ZBTB20: variants seen among roughly 807,000 people sequenced by gnomAD.
The protein encoded by ZBTB20 is zinc finger and BTB domain-containing protein 20.
In ZBTB20, 9 loss-of-function variants were observed where a neutral mutation model predicts 56.9. That is an observed-to-expected ratio of 0.16 (90% CI 0.10 to 0.28). ZBTB20 has a LOEUF of 0.28. ZBTB20 is among the 10% of genes least tolerant of loss of function. The pLI, the probability that ZBTB20 is intolerant of heterozygous loss-of-function variation, is 1.00. For missense variants in ZBTB20, 655 were observed against 1,003.0 expected, an observed-to-expected ratio of 0.65 and a Z score of 4.69; for synonymous variants, 417 against 420.7, an observed-to-expected ratio of 0.99 and a Z score of 0.11.
In ZBTB20 at chr3:114,981,592, C is replaced by T. The variant is rs1316056413; in HGVS notation, c.-506-7176G>A. Among the ~76,000 whole-genome samples the T allele has an allele frequency of 2.6e-5, 4 of 151,932 alleles. No individual in the cohort carries two copies. In the Admixed American group the frequency reaches 2.6e-4, roughly 10 times the overall value. ...TAATAGCAAATACATGAGCAGTCCC[C>T]ATATTCAGGTTCTGTTCAAAGCGCT... On this transcript the variant is annotated intron_variant, in intron 2 of 11. Coordinates refer to ENST00000675478, the MANE Select transcript of ZBTB20 (RefSeq NM_001348800.3).
intron 4 of ZBTB20, among the ~76,000 whole-genome samples, chr3:114,808,814 A>G (rs916929641): frequency 1.3e-5 from 2 of 152,056 alleles, no homozygotes; most frequent in African/African-American, 4.8e-5. Flanking sequence ...ATACATTTTT[A>G]TCATTTCATT....
At chr3:115,083,810 A>T (rs1488879011) in intron 1 of ZBTB20, among the ~76,000 whole-genome samples, 4 of 152,014 alleles carry the variant, frequency 2.6e-5, no homozygotes, top group Admixed American at 1.3e-4. Context: ...GTAGAGTAGG[A>T]TATATATTGG....
chr3:114,899,198 C>T (rs928672422), intron 4 of ZBTB20, among the ~76,000 whole-genome samples: 3 of 152,076 alleles, frequency 2.0e-5, no homozygotes, highest in Non-Finnish European at 2.9e-5. Context: ...TTAATCTTCA[C>T]TTTTTTTCTC....
chr3:114,421,432 T>C (rs2089161300), intron 7 of ZBTB20, among the ~76,000 whole-genome samples: 1 of 152,212 alleles, frequency 6.6e-6, no homozygotes, highest in Non-Finnish European at 1.5e-5. Context: ...ACTTTCCACT[T>C]AGCACAGAGC....
At chr3:115,024,541 G>C (rs2080340964) in intron 2 of ZBTB20, among the ~76,000 whole-genome samples, 1 of 150,924 alleles carries the variant, frequency 6.6e-6, no homozygotes, top group South Asian at 2.1e-4. Context: ...ACCCCTTTTG[G>C]ATAGGTGCTT....
chr3:114,451,830 T>A (rs1008202161), intron 7 of ZBTB20, among the ~76,000 whole-genome samples: 1 of 151,902 alleles, frequency 6.6e-6, no homozygotes, highest in African/African-American at 2.4e-5. Context: ...TCCTCCTCTA[T>A]TTTTTTTCCC....
intron 8 of ZBTB20, chr3:114,388,648 G>A (rs1364749142): frequency 1.3e-5 from 2 of 152,380 alleles, no homozygotes; most frequent in African/African-American, 4.8e-5. Flanking sequence ...AAGCTACCAT[G>A]AGATTCAACA....
intron 7 of ZBTB20, among the ~76,000 whole-genome samples, chr3:114,471,303 G>A (rs767463974): frequency 9.2e-5 from 14 of 152,128 alleles, no homozygotes; most frequent in African/African-American, 2.7e-4. Flanking sequence ...AGAAAACAGA[G>A]GCTTAGAGAT....
At chr3:114,373,621 T>G (rs1455014068) in intron 10 of ZBTB20, among the ~76,000 whole-genome samples, 2 of 152,174 alleles carry the variant, frequency 1.3e-5, no homozygotes, top group African/African-American at 4.8e-5. Flanking sequence ...CAAGAGGCTC[T>G]TTCCTCGGGG....
intron 6 of ZBTB20, among the ~76,000 whole-genome samples, chr3:114,544,413 CTTTCT>C (rs1553747054): frequency 1.1e-4 from 1 of 8,918 alleles, no homozygotes; most frequent in African/African-American, 5.4e-4. Context: ...TTTCTTCTTT[CTTTCT>C]TTCTTTCTTT....
intron 7 of ZBTB20, among the ~76,000 whole-genome samples, chr3:114,499,483 A>C (rs1415869453): frequency 3.3e-5 from 5 of 152,246 alleles, no homozygotes; most frequent in Admixed American, 3.3e-4. Context: ...GTTGTGAATA[A>C]GGAACAGAGC....
At chr3:115,119,019 A>G (rs1047888685) in intron 1 of ZBTB20, among the ~76,000 whole-genome samples, 1 of 152,114 alleles carries the variant, frequency 6.6e-6, no homozygotes, top group African/African-American at 2.4e-5. Context: ...TTCTTTGAAA[A>G]CGATATTGAA....
At chr3:114,821,292 C>A (rs1420557862) in intron 4 of ZBTB20, among the ~76,000 whole-genome samples, 1 of 152,076 alleles carries the variant, frequency 6.6e-6, no homozygotes, top group African/African-American at 2.4e-5. Context: ...GCAAAGACAG[C>A]CAATGTCCAA....
At chr3:114,459,006 T>C (rs763332246) in intron 7 of ZBTB20, among the ~76,000 whole-genome samples, 73 of 152,302 alleles carry the variant, frequency 4.8e-4, no homozygotes, top group Admixed American at 3.9e-4. Context: ...TGTACATTTG[T>C]ATGAATAAGT....
chr3:114,607,277 T>C (rs576782360), intron 6 of ZBTB20, among the ~76,000 whole-genome samples: 9 of 150,360 alleles, frequency 6.0e-5, no homozygotes, highest in Admixed American at 3.3e-4. Flanking sequence ...TGTTAATAAC[T>C]AGAAAAAGCA....
intron 2 of ZBTB20, among the ~76,000 whole-genome samples, chr3:115,048,276 A>T (rs2081411920): frequency 6.6e-6 from 1 of 152,052 alleles, no homozygotes; most frequent in Non-Finnish European, 1.5e-5. Context: ...TTAAATCCTA[A>T]ATCTTTTCTT....
intron 2 of ZBTB20, among the ~76,000 whole-genome samples, chr3:115,060,112 T>C (rs1341710503): frequency 1.3e-5 from 2 of 152,198 alleles, no homozygotes; most frequent in Non-Finnish European, 2.9e-5. Context: ...TGCTTAACTT[T>C]GTATCATTAC....
At chr3:114,912,437 G>A (rs1418299367) in intron 3 of ZBTB20, among the ~76,000 whole-genome samples, 2 of 151,640 alleles carry the variant, frequency 1.3e-5, no homozygotes, top group Non-Finnish European at 1.5e-5. Context: ...CTTATTATTT[G>A]TTATTAGGTA....
chr3:114,580,196 G>C (rs1167602561), intron 6 of ZBTB20, among the ~76,000 whole-genome samples: 1 of 151,466 alleles, frequency 6.6e-6, no homozygotes, highest in South Asian at 2.1e-4. Context: ...TATAAGAACT[G>C]TTTAATATCA....
Sources: gnomAD v4.1 joint callset for allele counts (sites outside exome capture counted in the v4.1 genomes callset) on GRCh38, gnomAD v4.1.1 for gene constraint, MANE v1.5 for transcripts, NCBI Gene and HGNC (gene_info 2026-07-23, HGNC 2026-07-21) for gene names.